Variants in PRKN observed in about 807,000 individuals in gnomAD.
PRKN encodes the protein parkin RBR E3 ubiquitin protein ligase, also known as E3 ubiquitin-protein ligase parkin.
PRKN carries 56 observed loss-of-function variants against 59.5 expected under a neutral mutation model. The ratio of observed to expected loss-of-function variants is 0.94; its 90% CI spans 0.76 to 1.18. PRKN has a LOEUF of 1.18. PRKN is among the 50% of genes most tolerant of loss of function. PRKN has a pLI of 0.00. For synonymous variants in PRKN, 250 were observed against 222.1 expected (o/e 1.13, Z -1.12); for missense variants, 657 against 596.4 (o/e 1.10, Z -1.06).
At chr6:162,469,412 A>C (rs2128177422) in intron 1 of PRKN, among the ~76,000 whole-genome samples, 1 of 151,852 alleles carries the variant, frequency 6.6e-6, no homozygotes, top group South Asian at 2.1e-4. Flanking sequence ...GCATGTTTAT[A>C]GCAGCACAGT....
At chr6:161,890,674 A>T (rs895222210) in intron 6 of PRKN, among the ~76,000 whole-genome samples, 5 of 152,148 alleles carry the variant, frequency 3.3e-5, no homozygotes, top group African/African-American at 1.2e-4. Flanking sequence ...TCAGGGATTT[A>T]CCCTGGGAAA....
chr6:161,403,022 T>G (rs142104869), intron 9 of PRKN, among the ~76,000 whole-genome samples: 3 of 152,226 alleles, frequency 2.0e-5, no homozygotes, highest in East Asian at 3.9e-4. Context: ...GTTCCCCAAG[T>G]GTCCTCTGTT....
In PRKN at chr6:161,347,507, A is replaced by C. The variant is rs1302360342; in HGVS notation, c.*2592T>G. Reference sequence around the variant, plus strand: ...TCAGAGAAAAACAGACTTTTTCTGCAAAGACTTTATTTCTATTTTTTGATA... The same window carrying C: ...TCAGAGAAAAACAGACTTTTTCTGCCAAGACTTTATTTCTATTTTTTGATA... On this transcript the variant is annotated 3_prime_UTR_variant, in exon 12 of 12. Transcript: ENST00000366898. The C allele has an allele frequency of 6.6e-6, 1 of 152,202 alleles. No homozygotes were observed. Among genetic ancestry groups the C allele is most frequent in the East Asian group, 1.9e-4 (1 of 5,206 alleles). 9.4% of individuals were successfully genotyped at this position (152,202 alleles called of 1,614,324 possible).
chr6:161,986,839 G>C (rs1230297634), intron 5 of PRKN, among the ~76,000 whole-genome samples: 2 of 152,112 alleles, frequency 1.3e-5, no homozygotes, highest in Admixed American at 6.5e-5. Flanking sequence ...AGTCTAGGCA[G>C]GGAAAGTGCA....
chr6:162,684,868 A>T (rs374499768), intron 1 of PRKN, among the ~76,000 whole-genome samples: 2 of 152,246 alleles, frequency 1.3e-5, no homozygotes, highest in African/African-American at 4.8e-5. Context: ...AAATAAGGGA[A>T]TAAGTATTCA....
chr6:161,904,340 G>C (rs1310778408), intron 6 of PRKN, among the ~76,000 whole-genome samples: 1 of 117,932 alleles, frequency 8.5e-6, no homozygotes, highest in Non-Finnish European at 1.6e-5. Flanking sequence ...TTTTGAGACA[G>C]AGTCTGGCTC....
chr6:161,995,799 T>G (rs9364629), intron 5 of PRKN, among the ~76,000 whole-genome samples: 72,508 of 151,916 alleles, frequency 0.48, 17,529 homozygotes, highest in East Asian at 0.6. Context: ...TTATACACTG[T>G]TGTAACCTGT....
chr6:161,834,710 A>C (rs185385343), intron 6 of PRKN, among the ~76,000 whole-genome samples: 1 of 152,246 alleles, frequency 6.6e-6, no homozygotes, highest in African/African-American at 2.4e-5. Context: ...TGATATCCAC[A>C]GGCAGAACAG....
intron 7 of PRKN, among the ~76,000 whole-genome samples, chr6:161,746,054 C>A (rs757364631): frequency 2.0e-5 from 3 of 152,296 alleles, no homozygotes; most frequent in South Asian, 4.2e-4. Context: ...TCGTTAGGAA[C>A]CTCCTATGAT....
chr6:162,701,912 A>G (rs1778171652), intron 1 of PRKN, among the ~76,000 whole-genome samples: 1 of 151,728 alleles, frequency 6.6e-6, no homozygotes, highest in Admixed American at 6.6e-5. Flanking sequence ...AAACCAACAG[A>G]AGCTCATGAA....
At chr6:161,885,343 AT>A (rs2128230555) in intron 6 of PRKN, among the ~76,000 whole-genome samples, 1 of 152,146 alleles carries the variant, frequency 6.6e-6, no homozygotes, top group Admixed American at 6.5e-5. Context: ...GGGAGGTTTC[AT>A]TTGTCATTTT....
At position 161,828,929 on chromosome 6, in the gene PRKN, C is replaced by CA. The variant is rs11301137; in HGVS notation, c.735-43022dup. Reference sequence around the variant, plus strand: ...TGGAAAACAAAGTGAGACTCCATCTCAAAAAAAAAAAAAAGAGCCGGTTGC... The same window carrying CA: ...TGGAAAACAAAGTGAGACTCCATCTCAAAAAAAAAAAAAAAGAGCCGGTTGC... On this transcript the variant is annotated intron_variant, in intron 6 of 11. Transcript: ENST00000366898. Among the ~76,000 whole-genome samples the CA allele has an allele frequency of 7.6e-3, 947 of 125,202 alleles. 7 individuals are homozygous for CA. The highest frequency in any genetic ancestry group is 8.9e-3 in the Non-Finnish European group (521 of 58,350). 82.1% of individuals were successfully genotyped at this position (125,202 alleles called of 152,430 possible). A position where few individuals can be genotyped will look rare whatever the true frequency, so the allele number is the denominator to read the frequency against.
chr6:161,502,271 G>A lies in PRKN; in HGVS notation c.1083+46583C>T, dbSNP rs1039360827. Among the ~76,000 whole-genome samples, 4 of 152,230 alleles carry A rather than the reference G, an allele frequency of 2.6e-5. No individual in the cohort carries two copies. Among genetic ancestry groups the A allele is most frequent in the South Asian group, 4.1e-4 (2 of 4,822 alleles). On this transcript the variant is annotated intron_variant, in intron 9 of 11. Coordinates refer to ENST00000366898, the MANE Select transcript of PRKN (RefSeq NM_004562.3). This position sits in a 1 kb window ranked among gnomAD's most constrained non-coding sequence, Gnocchi z 4.0. ...CTATCCCTATGTTATAGCTGAGGAC[G>A]CTGAGACATAAAGAGATTAAGACGC...
chr6:162,612,212 AAAG>A (rs1338709920), intron 1 of PRKN, among the ~76,000 whole-genome samples: 3 of 146,642 alleles, frequency 2.0e-5, no homozygotes, highest in African/African-American at 7.5e-5. Context: ...AAAAAAAAAA[AAAG>A]AAATGATACA....
chr6:162,479,757 G>GTTT (rs749892002), intron 1 of PRKN, among the ~76,000 whole-genome samples: 21,339 of 148,326 alleles, frequency 0.14, 1,716 homozygotes, highest in Non-Finnish European at 0.17. Context: ...ACAGTTATCT[G>GTTT]TTTTTTTTTC....
chr6:162,203,000 A>G (rs150635714), intron 3 of PRKN, among the ~76,000 whole-genome samples: 52 of 152,342 alleles, frequency 3.4e-4, no homozygotes, highest in African/African-American at 1.2e-3. Context: ...GAAAAGGAAC[A>G]GGAAAAGCAA....
intron 7 of PRKN, among the ~76,000 whole-genome samples, chr6:161,784,638 G>GGA (rs1460328002): frequency 6.6e-6 from 1 of 152,144 alleles, no homozygotes; most frequent in African/African-American, 2.4e-5. Flanking sequence ...ACAAGAATGT[G>GGA]GAGAGAGAGA....
chr6:161,452,854 T>TTCTC (rs138156168), intron 9 of PRKN, among the ~76,000 whole-genome samples: 2 of 149,510 alleles, frequency 1.3e-5, no homozygotes, highest in Admixed American at 6.7e-5. Flanking sequence ...TAAATCCAAA[T>TTCTC]TCTCTCTCTC....
chr6:162,344,712 C>G (rs1314701760), intron 2 of PRKN, among the ~76,000 whole-genome samples: 1 of 151,940 alleles, frequency 6.6e-6, no homozygotes, highest in East Asian at 1.9e-4. Context: ...AAAATGTGGA[C>G]TTGACAGATA....
Sources: gnomAD v4.1 joint callset for allele counts (sites outside exome capture counted in the v4.1 genomes callset) on GRCh38, gnomAD v4.1.1 for gene constraint, Gnocchi (gnomAD v3.1) non-coding constraint, MANE v1.5 for transcripts, NCBI Gene and HGNC (gene_info 2026-07-23, HGNC 2026-07-21) for gene names.